The following SUPT3H variants were observed in gnomAD, a reference collection of about 807,000 sequenced individuals.
The protein encoded by SUPT3H is transcription initiation protein SPT3 homolog.
SUPT3H carries 44 observed loss-of-function variants against 44.3 expected under a neutral mutation model. The ratio of observed to expected loss-of-function variants is 0.99; its 90% CI spans 0.78 to 1.28. The LOEUF (loss-of-function observed/expected upper bound fraction) is 1.28. Ranked by LOEUF, SUPT3H falls within the 50% of genes most tolerant of loss-of-function variation. The probability of loss-of-function intolerance (pLI) is 0.00; values close to 1 mark genes in which losing one functional copy is unlikely to be tolerated. For synonymous variants in SUPT3H, 124 were observed against 125.6 expected (o/e 0.99, Z 0.09); for missense variants, 380 against 387.1 (o/e 0.98, Z 0.15).
At chr6:44,850,353 A>G (rs1455890203) in intron 10 of SUPT3H, among the ~76,000 whole-genome samples, 1 of 152,184 alleles carries the variant, frequency 6.6e-6, no homozygotes, top group Non-Finnish European at 1.5e-5. Context: ...TTAGTCTCTC[A>G]GAAATTCCCT....
chr6:45,300,609 C>T (rs1372953710), intron 2 of SUPT3H, among the ~76,000 whole-genome samples: 2 of 152,170 alleles, frequency 1.3e-5, no homozygotes, highest in South Asian at 2.1e-4. Flanking sequence ...AGATAGGAAG[C>T]GACGGCTTAA....
At chr6:44,943,531 G>T (rs1772802934) in intron 9 of SUPT3H, among the ~76,000 whole-genome samples, 1 of 152,100 alleles carries the variant, frequency 6.6e-6, no homozygotes, top group Non-Finnish European at 1.5e-5. Flanking sequence ...AGAGATTCAA[G>T]ATTCAAGAAT....
At chr6:45,142,566 G>A (rs774660315) in intron 2 of SUPT3H, among the ~76,000 whole-genome samples, 5 of 151,576 alleles carry the variant, frequency 3.3e-5, no homozygotes, top group South Asian at 2.1e-4. Context: ...GAGAAACCCC[G>A]TCTCTACTAA....
At chr6:44,971,466 C>T (rs9463055) in intron 6 of SUPT3H, among the ~76,000 whole-genome samples, 63,322 of 151,890 alleles carry the variant, frequency 0.42, 13,579 homozygotes, top group East Asian at 0.69. Flanking sequence ...TCCTTCTTCA[C>T]GTGATGGCAG....
At chr6:45,210,113 A>C (rs986029539) in intron 2 of SUPT3H, among the ~76,000 whole-genome samples, 1 of 152,150 alleles carries the variant, frequency 6.6e-6, no homozygotes, top group African/African-American at 2.4e-5. Flanking sequence ...TTAAAGACAT[A>C]AGGCTACTGG....
rs576275158 is a variant in SUPT3H at position 44,878,195 on chromosome 6, A to G, written c.913-48338T>C. On this transcript the variant is annotated intron_variant, in intron 10 of 10. Transcript: ENST00000371459. Reference sequence around the variant, plus strand: ...TGATCCTAAATAGTGATAAAGTAATATAGAGCAGTGTTGTAACAAGGTTTT... The same window carrying G: ...TGATCCTAAATAGTGATAAAGTAATGTAGAGCAGTGTTGTAACAAGGTTTT... Among the ~76,000 whole-genome samples the G allele has an allele frequency of 6.6e-5, 10 of 152,332 alleles. 1 individual carries two copies. Among genetic ancestry groups the G allele is most frequent in the South Asian group, 4.1e-4 (2 of 4,830 alleles).
chr6:44,866,961 G>A (rs899676805), intron 10 of SUPT3H, among the ~76,000 whole-genome samples: 23 of 151,976 alleles, frequency 1.5e-4, no homozygotes, highest in Non-Finnish European at 2.5e-4. Context: ...AGATATTCTC[G>A]GATATTATGG....
chr6:45,128,557 T>TATATATAC (rs1280920129), intron 2 of SUPT3H, among the ~76,000 whole-genome samples: 4 of 56,736 alleles, frequency 7.1e-5, no homozygotes, highest in East Asian at 4.5e-4. Flanking sequence ...TATATATATA[T>TATATATAC]ACACACACAC....
At chr6:45,075,541 A>G (rs1794900347) in intron 3 of SUPT3H, among the ~76,000 whole-genome samples, 1 of 152,130 alleles carries the variant, frequency 6.6e-6, no homozygotes, top group East Asian at 1.9e-4. Flanking sequence ...TCATTACATT[A>G]TCTGGTAAAT....
chr6:44,934,348 A>G (rs1771074627), intron 9 of SUPT3H, among the ~76,000 whole-genome samples: 3 of 152,200 alleles, frequency 2.0e-5, no homozygotes, highest in Non-Finnish European at 4.4e-5. Context: ...ATAGTACTAA[A>G]TGTTCATTAA....
intron 3 of SUPT3H, among the ~76,000 whole-genome samples, chr6:45,093,685 G>C (rs1050241414): frequency 7.8e-4 from 118 of 152,060 alleles, no homozygotes; most frequent in African/African-American, 2.7e-3. Flanking sequence ...ATCAAGATGG[G>C]AGACTGAACA....
At position 45,128,523 on chromosome 6, in the gene SUPT3H, AAAAAAAAAAAATATAT is replaced by A. The variant is rs1352607277; in HGVS notation, c.102-22533_102-22518del. Among the ~76,000 whole-genome samples, 6 of 57,790 alleles carry A rather than the reference AAAAAAAAAAAATATAT, an allele frequency of 1.0e-4. No homozygotes were observed. In the Admixed American group the frequency reaches 1.6e-3, roughly 15 times the overall value. 37.9% of individuals were successfully genotyped at this position (57,790 alleles called of 152,430 possible). A position where few individuals can be genotyped will look rare whatever the true frequency, so the allele number is the denominator to read the frequency against. ...TGTCTCAAAAAAAAAAAAAAAAAAAAAAAAAAAAAAATATATATATATATATATATATATACACACA... is the reference window on the plus strand; with the variant it reads ...TGTCTCAAAAAAAAAAAAAAAAAAAAATATATATATATATATATACACACA... On this transcript the variant is annotated intron_variant, in intron 2 of 10. Coordinates refer to ENST00000371459, the MANE Select transcript of SUPT3H (RefSeq NM_003599.4).
intron 6 of SUPT3H, among the ~76,000 whole-genome samples, chr6:44,966,282 G>A (rs901667897): frequency 1.3e-5 from 2 of 151,806 alleles, no homozygotes; most frequent in African/African-American, 4.8e-5. Flanking sequence ...AAAACATCAT[G>A]ATCAGAATAA....
intron 2 of SUPT3H, among the ~76,000 whole-genome samples, chr6:45,275,581 G>A (rs961348482): frequency 4.6e-5 from 7 of 152,162 alleles, no homozygotes; most frequent in African/African-American, 1.7e-4. Context: ...TGAAATGACA[G>A]ACTGATTCCT....
At chr6:45,247,096 T>A (rs1361780188) in intron 2 of SUPT3H, among the ~76,000 whole-genome samples, 1 of 152,186 alleles carries the variant, frequency 6.6e-6, no homozygotes, top group East Asian at 1.9e-4. Flanking sequence ...ATCCCACAGA[T>A]GCTAAAAGGA....
At chr6:45,013,768 C>T (rs2153513381) in intron 5 of SUPT3H, among the ~76,000 whole-genome samples, 1 of 152,140 alleles carries the variant, frequency 6.6e-6, no homozygotes, top group South Asian at 2.1e-4. Context: ...CTACCTCTTG[C>T]CCCTTCTGGG....
chr6:45,205,097 T>C (rs1232085488), intron 2 of SUPT3H, among the ~76,000 whole-genome samples: 1 of 152,146 alleles, frequency 6.6e-6, no homozygotes, highest in African/African-American at 2.4e-5. Flanking sequence ...AAAACCAAAT[T>C]CCCATCTCTG....
At chr6:45,069,482 C>G (rs547890034) in intron 3 of SUPT3H, among the ~76,000 whole-genome samples, 8 of 152,066 alleles carry the variant, frequency 5.3e-5, no homozygotes, top group Admixed American at 5.2e-4. Flanking sequence ...TTATAGGCCC[C>G]TATAAATTGG....
chr6:45,155,859 G>A (rs994951225), intron 2 of SUPT3H, among the ~76,000 whole-genome samples: 3 of 152,026 alleles, frequency 2.0e-5, no homozygotes, highest in African/African-American at 7.2e-5. Context: ...TTCTGTTGAA[G>A]AAACCAGTAA....
Sources: allele counts gnomAD v4.1 joint callset (sites outside exome capture counted in the v4.1 genomes callset), GRCh38; gene constraint gnomAD v4.1.1; transcripts MANE v1.5; gene names NCBI Gene and HGNC (gene_info 2026-07-23, HGNC 2026-07-21).